Variants in PCDHGB1 observed in about 807,000 individuals in gnomAD.
PCDHGB1 encodes the protein protocadherin gamma-B1.
In PCDHGB1, 34 loss-of-function variants were observed where a neutral mutation model predicts 56.6. The ratio of observed to expected loss-of-function variants is 0.60; its 90% CI spans 0.46 to 0.80. The LOEUF is 0.80. PCDHGB1 is among the 30% of genes least tolerant of loss of function. PCDHGB1 has a pLI of 0.00. For synonymous variants in PCDHGB1, 561 were observed against 505.9 expected (o/e 1.11, Z -1.46); for missense variants, 1,278 against 1,204.6 (o/e 1.06, Z -0.90).
intron 1 of PCDHGB1, chr5:141,376,210 C>G (rs112869528): frequency 6.2e-7 from 1 of 1,614,162 alleles, no homozygotes; most frequent in Non-Finnish European, 8.5e-7. Context: ...CCTTCGTCAT[C>G]GTGCTGCTGG....
intron 1 of PCDHGB1, chr5:141,418,573 C>T (rs749104686): frequency 6.2e-7 from 1 of 1,613,944 alleles, no homozygotes; most frequent in Non-Finnish European, 8.5e-7. Flanking sequence ...CCAATGACAA[C>T]CCCCCAGTGT....
rs57419416 is a variant in PCDHGB1, at chr5:141,368,862, T to C, written c.2409+16193T>C. On this transcript the variant is annotated intron_variant, in intron 1 of 3. Transcript: ENST00000523390. ...TTGGAAGGCACTTGCTTTGGAATGT[T>C]TTGGAGCAAAGTCTTGAGTCAGTTA... Among the ~76,000 whole-genome samples, 1,508 of 152,302 alleles carry C rather than the reference T, an allele frequency of 9.9e-3. 27 individuals are homozygous for C. Among genetic ancestry groups the C allele is most frequent in the African/African-American group, 0.034 (1,407 of 41,562 alleles).
intron 2 of PCDHGB1, among the ~76,000 whole-genome samples, chr5:141,500,935 C>A (rs1159997919): frequency 1.3e-5 from 2 of 151,694 alleles, no homozygotes; most frequent in Non-Finnish European, 2.9e-5. Flanking sequence ...GTGGCGCCAT[C>A]TCGGCTCACT....
intron 1 of PCDHGB1, chr5:141,408,244 G>A (rs746604555): frequency 6.3e-7 from 1 of 1,585,990 alleles, no homozygotes; most frequent in Non-Finnish European, 8.6e-7. Context: ...CCGGCCCGCG[G>A]CAGGTGCTAT....
chr5:141,460,414 T>G (rs1289935272), intron 1 of PCDHGB1, among the ~76,000 whole-genome samples: 1 of 152,216 alleles, frequency 6.6e-6, no homozygotes, highest in Non-Finnish European at 1.5e-5. Context: ...GAGTTGATGT[T>G]TATGTATGGT....
Position 141,511,029 on chromosome 5 carries a change from G to A in PCDHGB1, c.2640G>A (p.Leu880=), listed in dbSNP as rs1372346241. The part of the protein sequence containing the change: ...LSARYGPQFT[L]QHVPDYRQNV... ...CCCGCTACGGACCCCAGTTCACCCT[G>A]CAGCACGTGCCCGACTACCGCCAGA... The change falls in exon 4 of 4, where the codon CTG becomes CTA. Residue 880 remains leucine, a synonymous_variant. Transcript: ENST00000523390. 6.2e-7 allele frequency: 1 copy of A among 1,614,078 alleles called. No individual in the cohort carries two copies. Among genetic ancestry groups the A allele is most frequent in the Non-Finnish European group, 8.5e-7 (1 of 1,180,032 alleles).
At chr5:141,398,174 T>C (rs763077513) in intron 1 of PCDHGB1, 16 of 1,476,290 alleles carry the variant, frequency 1.1e-5, no homozygotes, top group African/African-American at 1.4e-5. Flanking sequence ...AGGCTGCCAG[T>C]GCTCTTTCTC....
intron 1 of PCDHGB1, chr5:141,398,744 G>A: frequency 1.9e-6 from 3 of 1,613,854 alleles, no homozygotes; most frequent in Non-Finnish European, 2.5e-6. Context: ...GAACAACAGA[G>A]TTACCATCGT....
At chr5:141,371,849 C>A (rs1323132095) in intron 1 of PCDHGB1, 1 of 1,613,660 alleles carries the variant, frequency 6.2e-7, no homozygotes, top group East Asian at 2.2e-5. Flanking sequence ...GACCTAATGG[C>A]CTTGTCTCCT....
chr5:141,423,656 A>G (rs988976310), intron 1 of PCDHGB1: 2 of 1,571,854 alleles, frequency 1.3e-6, no homozygotes, highest in African/African-American at 1.4e-5. Context: ...CCGACAAGTA[A>G]TCAGGTGAGA....
chr5:141,449,622 T>A (rs889336036), intron 1 of PCDHGB1, among the ~76,000 whole-genome samples: 1 of 150,910 alleles, frequency 6.6e-6, no homozygotes, highest in African/African-American at 2.4e-5. Context: ...AAAAGTTTTT[T>A]AAAAAGATGT....
chr5:141,431,879 C>T lies in PCDHGB1; in HGVS notation c.2410-62928C>T. 1 of 1,614,162 alleles carries T rather than the reference C, an allele frequency of 6.2e-7. No individual in the cohort carries two copies. The highest frequency in any genetic ancestry group is 8.5e-7 in the Non-Finnish European group (1 of 1,179,970). ...AATTGCCCTTTTAAATGTAAATGAC[C>T]AAGATTCTGAGGAAAACGGACAGGT... On this transcript the variant is annotated intron_variant, in intron 1 of 3. Coordinates refer to ENST00000523390, the MANE Select transcript of PCDHGB1 (RefSeq NM_018922.3). The surrounding 1 kb of genome is among the most constrained non-coding windows in gnomAD (Gnocchi z 4.8).
At chr5:141,478,256 A>G in intron 1 of PCDHGB1, 6 of 1,614,126 alleles carry the variant, frequency 3.7e-6, no homozygotes, top group Non-Finnish European at 5.1e-6. Flanking sequence ...CGGAGTAATC[A>G]TATTCAAAGT....
chr5:141,356,021 A>G lies in PCDHGB1; in HGVS notation c.2409+3352A>G, dbSNP rs752812560. The G allele has an allele frequency of 3.1e-6, 5 of 1,613,992 alleles. No individual in the cohort carries two copies. Among genetic ancestry groups the G allele is most frequent in the Non-Finnish European group, 4.2e-6 (5 of 1,179,894 alleles). ...GCCACTGATCCAGATGAAGGAGCCA[A>G]TGGAGACGTGACGTATTCTTTCCGG... On this transcript the variant is annotated intron_variant, in intron 1 of 3. Transcript: ENST00000523390.
chr5:141,454,898 C>T (rs1426884791), intron 1 of PCDHGB1, among the ~76,000 whole-genome samples: 1 of 147,834 alleles, frequency 6.8e-6, no homozygotes, highest in Non-Finnish European at 1.5e-5. Flanking sequence ...AGCACCGCCT[C>T]CCGGGTTCAC....
intron 1 of PCDHGB1, among the ~76,000 whole-genome samples, chr5:141,373,662 T>C (rs1319235176): frequency 6.6e-6 from 1 of 152,246 alleles, no homozygotes; most frequent in Non-Finnish European, 1.5e-5. Context: ...GATATTTTCA[T>C]AAAAATGAAT....
Position 141,486,453 on chromosome 5 carries a change from C to T in PCDHGB1, c.2410-8354C>T, listed in dbSNP as rs776820667. 6.2e-6 allele frequency: 10 copies of T among 1,614,114 alleles called. No homozygotes were observed. The highest frequency in any genetic ancestry group is 1.1e-5 in the South Asian group (1 of 91,082). On this transcript the variant is annotated intron_variant, in intron 1 of 3. Transcript: ENST00000523390. The surrounding 1 kb of genome is among the most constrained non-coding windows in gnomAD (Gnocchi z 5.0). ...TCTAGCTATGACATCATGGTCACTGCTTCTGATGCTGGGAACCCTCCTCTC... is the reference window on the plus strand; with the variant it reads ...TCTAGCTATGACATCATGGTCACTGTTTCTGATGCTGGGAACCCTCCTCTC...
chr5:141,372,242 G>C (rs965293763), intron 1 of PCDHGB1: 3 of 1,613,274 alleles, frequency 1.9e-6, no homozygotes, highest in Non-Finnish European at 2.5e-6. Context: ...AGCCCGGGCT[G>C]TTCAGCCTGG....
chr5:141,360,601 C>A, intron 1 of PCDHGB1: 1 of 1,613,928 alleles, frequency 6.2e-7, no homozygotes, highest in Non-Finnish European at 8.5e-7. Context: ...TCCACTTGAC[C>A]CAGCCCTGGA....
Sources: allele counts gnomAD v4.1 joint callset (sites outside exome capture counted in the v4.1 genomes callset), GRCh38; gene constraint gnomAD v4.1.1; non-coding constraint Gnocchi (gnomAD v3.1); transcripts MANE v1.5; gene names NCBI Gene and HGNC (gene_info 2026-07-23, HGNC 2026-07-21).